Variants in CYYR1 observed in about 807,000 individuals in gnomAD.
The protein encoded by CYYR1 is cysteine and tyrosine rich 1.
Under a neutral mutation model 15.2 loss-of-function variants are expected in CYYR1, and 14 were observed. The observed-to-expected ratio is 0.92, with a 90% CI of 0.61 to 1.44. CYYR1 has a LOEUF of 1.44. CYYR1 is among the 40% of genes most tolerant of loss of function. The pLI is 0.00. For missense variants in CYYR1, 228 were observed against 209.5 expected (o/e 1.09, Z -0.54); for synonymous variants, 80 against 77.4 (o/e 1.03, Z -0.18).
chr21:26,474,849 T>C (rs932115265), intron 3 of CYYR1, among the ~76,000 whole-genome samples: 3 of 152,200 alleles, frequency 2.0e-5, no homozygotes, highest in African/African-American at 7.2e-5. Context: ...CTAATGGCCA[T>C]TTTAAAGGAA....
intron 2 of CYYR1, among the ~76,000 whole-genome samples, chr21:26,490,195 T>C (rs554356615): frequency 1.3e-5 from 2 of 152,042 alleles, no homozygotes; most frequent in East Asian, 3.9e-4. Context: ...ATCTACTTGG[T>C]AGGATGAGGC....
chr21:26,553,821 A>T (rs762860869), intron 2 of CYYR1, among the ~76,000 whole-genome samples: 1 of 152,194 alleles, frequency 6.6e-6, no homozygotes, highest in Non-Finnish European at 1.5e-5. Flanking sequence ...TTTACCACAA[A>T]CACTAAACAA....
At chr21:26,517,496 G>A (rs1158245687) in intron 2 of CYYR1, among the ~76,000 whole-genome samples, 1 of 152,108 alleles carries the variant, frequency 6.6e-6, no homozygotes, top group Non-Finnish European at 1.5e-5. Flanking sequence ...ACTCAGATGG[G>A]GAATGGGGTA....
intron 2 of CYYR1, among the ~76,000 whole-genome samples, chr21:26,531,215 C>T (rs1299136760): frequency 6.6e-6 from 1 of 152,170 alleles, no homozygotes; most frequent in African/African-American, 2.4e-5. Flanking sequence ...CATTTTGCAT[C>T]AGTGGCTCAT....
rs61352955 is a variant in CYYR1, at chr21:26,517,114, C to CAAAAAAA, written c.177-36692_177-36686dup. 8.8e-4 allele frequency among the ~76,000 whole-genome samples: 41 copies of CAAAAAAA among 46,702 alleles called. 1 individual carries two copies. Among genetic ancestry groups the CAAAAAAA allele is most frequent in the African/African-American group, 2.7e-3 (30 of 11,302 alleles). The allele number at this position is 46,702 out of a possible 152,430, so 30.6% of individuals were successfully genotyped here. A position where few individuals can be genotyped will look rare whatever the true frequency, so the allele number is the denominator to read the frequency against. ...TGGGCGACAGAGCGAGACTCCGTCT[C>CAAAAAAA]AAAAAAAAAAAAAAAAAAAAAAAAA... On this transcript the variant is annotated intron_variant, in intron 2 of 3. Transcript: ENST00000652641.
intron 2 of CYYR1, among the ~76,000 whole-genome samples, chr21:26,515,746 G>A (rs1225475511): frequency 6.6e-6 from 1 of 152,144 alleles, no homozygotes; most frequent in South Asian, 2.1e-4. Flanking sequence ...AAAAGAGTTT[G>A]CACTTATCCT....
intron 3 of CYYR1, among the ~76,000 whole-genome samples, chr21:26,475,892 C>T (rs2065096934): frequency 6.6e-6 from 1 of 152,088 alleles, no homozygotes; most frequent in Admixed American, 6.6e-5. Context: ...TCTTCATAGT[C>T]ACAATATTAT....
At chr21:26,524,282 A>G (rs2065836649) in intron 2 of CYYR1, among the ~76,000 whole-genome samples, 1 of 152,204 alleles carries the variant, frequency 6.6e-6, no homozygotes, top group Admixed American at 6.5e-5. Flanking sequence ...ATGCAATCCT[A>G]TATCATTAAA....
intron 2 of CYYR1, among the ~76,000 whole-genome samples, chr21:26,528,573 G>A (rs982732): frequency 0.26 from 39,567 of 152,016 alleles, 5,904 homozygotes; most frequent in African/African-American, 0.41. Context: ...GGGTGCCAGT[G>A]CTATGCTTCC....
intron 2 of CYYR1, among the ~76,000 whole-genome samples, chr21:26,480,998 C>A (rs1371444424): frequency 6.6e-6 from 1 of 152,018 alleles, no homozygotes; most frequent in Non-Finnish European, 1.5e-5. Flanking sequence ...CCCATTAATT[C>A]AGGAAGAACA....
intron 2 of CYYR1, among the ~76,000 whole-genome samples, chr21:26,521,497 C>T (rs1159592455): frequency 6.6e-6 from 1 of 152,156 alleles, no homozygotes; most frequent in Non-Finnish European, 1.5e-5. Flanking sequence ...AACAAATTCC[C>T]ATAAGAAACA....
chr21:26,506,904 T>C (rs1023885696), intron 2 of CYYR1, among the ~76,000 whole-genome samples: 6 of 152,196 alleles, frequency 3.9e-5, no homozygotes, highest in South Asian at 2.1e-4. Context: ...AAAAAGCTGA[T>C]CACAGAGAAA....
intron 2 of CYYR1, among the ~76,000 whole-genome samples, chr21:26,492,700 C>G (rs1032224185): frequency 2.3e-5 from 3 of 129,418 alleles, no homozygotes; most frequent in Non-Finnish European, 5.0e-5. Flanking sequence ...GCCATCTGTT[C>G]TGGCAGATCA....
intron 2 of CYYR1, among the ~76,000 whole-genome samples, chr21:26,510,541 G>A (rs1003112916): frequency 2.6e-5 from 4 of 152,200 alleles, no homozygotes; most frequent in African/African-American, 9.6e-5. Flanking sequence ...GGTATCTTCT[G>A]TTCTGTTGCT....
intron 2 of CYYR1, among the ~76,000 whole-genome samples, chr21:26,561,271 T>A (rs1206397717): frequency 6.6e-6 from 1 of 152,032 alleles, no homozygotes; most frequent in Non-Finnish European, 1.5e-5. Context: ...GGTCTTTTCA[T>A]ATCTAATTAC....
At chr21:26,511,625 A>G (rs2065649740) in intron 2 of CYYR1, among the ~76,000 whole-genome samples, 1 of 152,190 alleles carries the variant, frequency 6.6e-6, no homozygotes, top group African/African-American at 2.4e-5. Flanking sequence ...ATTTTATAAG[A>G]TGTTTTATAT....
At chr21:26,513,970 G>C (rs144929289) in intron 2 of CYYR1, among the ~76,000 whole-genome samples, 1 of 150,974 alleles carries the variant, frequency 6.6e-6, no homozygotes, top group Non-Finnish European at 1.5e-5. Flanking sequence ...TGTAAATGAC[G>C]AGTTAATGGG....
chr21:26,521,039 C>T (rs1000769435), intron 2 of CYYR1, among the ~76,000 whole-genome samples: 3 of 151,852 alleles, frequency 2.0e-5, no homozygotes, highest in East Asian at 1.9e-4. Flanking sequence ...TCAGGGGGTG[C>T]GGAGGGAGGG....
intron 2 of CYYR1, among the ~76,000 whole-genome samples, chr21:26,514,232 A>AC (rs1009994727): frequency 1.3e-5 from 2 of 151,754 alleles, no homozygotes; most frequent in African/African-American, 4.8e-5. Context: ...ATTTGGTTTG[A>AC]CCCCCCTCCA....
Sources: gnomAD v4.1 joint callset for allele counts (sites outside exome capture counted in the v4.1 genomes callset) on GRCh38, gnomAD v4.1.1 for gene constraint, MANE v1.5 for transcripts, NCBI Gene and HGNC (gene_info 2026-07-23, HGNC 2026-07-21) for gene names.